XIRP2: variants seen among roughly 807,000 people sequenced by gnomAD.
XIRP2 encodes xin actin-binding repeat-containing protein 2.
Under a neutral mutation model 277.0 loss-of-function variants are expected in XIRP2, and 236 were observed. The ratio of observed to expected loss-of-function variants is 0.85; its 90% CI spans 0.77 to 0.95. The LOEUF is 0.95. XIRP2 is among the 40% of genes least tolerant of loss of function. The pLI is 0.00. For missense variants in XIRP2, 4,640 were observed against 4,157.5 expected (o/e 1.12, Z -3.19); for synonymous variants, 1,490 against 1,416.5 (o/e 1.05, Z -1.17).
chr2:166,938,759 C>G (rs950913311), intron 2 of XIRP2, among the ~76,000 whole-genome samples: 1 of 152,080 alleles, frequency 6.6e-6, no homozygotes, highest in African/African-American at 2.4e-5. Context: ...TAAGGAATTG[C>G]TTTATGAATC....
Position 167,241,930 on chromosome 2 carries a change from C to G in XIRP2, c.1176+20C>G. 1 of 1,602,638 alleles carries G rather than the reference C, an allele frequency of 6.2e-7. No homozygotes were observed. The highest frequency in any genetic ancestry group is 8.5e-7 in the Non-Finnish European group (1 of 1,175,726). ...ATTAAGGTAAAGTCATTTCTTTACACAGAAACATACTAAGTGTAAGACCAA... is the reference window on the plus strand; with the variant it reads ...ATTAAGGTAAAGTCATTTCTTTACAGAGAAACATACTAAGTGTAAGACCAA... On this transcript the variant is annotated intron_variant, in intron 8 of 10. Transcript: ENST00000409195.
intron 2 of XIRP2, among the ~76,000 whole-genome samples, chr2:167,057,449 T>C (rs1243391224): frequency 6.6e-6 from 1 of 152,172 alleles, no homozygotes; most frequent in Non-Finnish European, 1.5e-5. Flanking sequence ...AATAACCATC[T>C]TTGGCAGACA....
intron 4 of XIRP2, among the ~76,000 whole-genome samples, chr2:167,212,308 A>G (rs1026279886): frequency 1.4e-4 from 21 of 152,180 alleles, no homozygotes; most frequent in Non-Finnish European, 2.5e-4. Context: ...ATTCACGAGG[A>G]AACAGTTGAT....
intron 1 of XIRP2, among the ~76,000 whole-genome samples, chr2:166,891,426 A>G (rs1285548599): frequency 3.3e-5 from 5 of 152,306 alleles, no homozygotes; most frequent in Middle Eastern, 3.4e-3. Flanking sequence ...CAGAAAAATT[A>G]ATTGTTCTGA....
intron 2 of XIRP2, among the ~76,000 whole-genome samples, chr2:167,050,843 A>G (rs1688896132): frequency 6.6e-6 from 1 of 151,880 alleles, no homozygotes; most frequent in Non-Finnish European, 1.5e-5. Flanking sequence ...CCTTGCTGCA[A>G]TGGTGGGCAG....
chr2:166,908,277 T>C (rs1181115060), intron 2 of XIRP2, among the ~76,000 whole-genome samples: 1 of 152,200 alleles, frequency 6.6e-6, no homozygotes, highest in Non-Finnish European at 1.5e-5. Flanking sequence ...CCGGCACCTG[T>C]TGTTTCCTGA....
At chr2:167,187,499 C>A (rs1478176031) in intron 3 of XIRP2, 1 of 985,116 alleles carries the variant, frequency 1.0e-6, no homozygotes, top group South Asian at 4.7e-5. Context: ...GATATTTCCA[C>A]AAACTTGGGG....
At chr2:167,079,270 T>A (rs756447283) in intron 2 of XIRP2, among the ~76,000 whole-genome samples, 1 of 152,174 alleles carries the variant, frequency 6.6e-6, no homozygotes, top group Non-Finnish European at 1.5e-5. Flanking sequence ...TAATATTTTG[T>A]TGGGGAATGT....
chr2:167,159,831 A>T (rs998849320), intron 3 of XIRP2, among the ~76,000 whole-genome samples: 1 of 152,174 alleles, frequency 6.6e-6, no homozygotes, highest in Non-Finnish European at 1.5e-5. Flanking sequence ...ATTATCATAT[A>T]TTATTTAGTT....
chr2:167,035,655 A>G lies in XIRP2; in HGVS notation c.409-100254A>G, dbSNP rs373294027. Reference sequence around the variant, plus strand: ...ATGGGCAGCCTGACAATGTGATAGAAAAGAAAAACCCATTTTCTGTGGAGA... The same window carrying G: ...ATGGGCAGCCTGACAATGTGATAGAGAAGAAAAACCCATTTTCTGTGGAGA... On this transcript the variant is annotated intron_variant, in intron 2 of 10. Transcript: ENST00000409195. Among the ~76,000 whole-genome samples, 5 of 152,318 alleles carry G rather than the reference A, an allele frequency of 3.3e-5. No individual in the cohort carries two copies. In the East Asian group the frequency reaches 9.7e-4, roughly 29 times the overall value.
chr2:167,036,253 G>T (rs1031416326), intron 2 of XIRP2, among the ~76,000 whole-genome samples: 4 of 152,188 alleles, frequency 2.6e-5, no homozygotes, highest in African/African-American at 9.7e-5. Context: ...TCCACTGACA[G>T]CTTGCACTGT....
chr2:167,168,479 A>G (rs182549250), intron 3 of XIRP2, among the ~76,000 whole-genome samples: 1 of 152,242 alleles, frequency 6.6e-6, no homozygotes, highest in East Asian at 1.9e-4. Context: ...CTATTGAGAT[A>G]TTCTCAACTG....
At chr2:167,080,746 T>G (rs1689706169) in intron 2 of XIRP2, among the ~76,000 whole-genome samples, 1 of 152,210 alleles carries the variant, frequency 6.6e-6, no homozygotes, top group South Asian at 2.1e-4. Flanking sequence ...TAAGTTAGAA[T>G]TCCAATGGAA....
chr2:167,153,939 G>A (rs1054499519), intron 3 of XIRP2, among the ~76,000 whole-genome samples: 1 of 151,412 alleles, frequency 6.6e-6, no homozygotes, highest in African/African-American at 2.4e-5. Flanking sequence ...TGGGATGGCT[G>A]GGTCAAATGG....
Position 167,106,813 on chromosome 2 carries a change from T to G in XIRP2, c.409-29096T>G, listed in dbSNP as rs192454525. On this transcript the variant is annotated intron_variant, in intron 2 of 10. Coordinates refer to ENST00000409195, the MANE Select transcript of XIRP2 (RefSeq NM_152381.6). ...TTGTTGAGTTAATCCCTGAACACAG[T>G]ATTTCTCTCCATTTATTTAGATCTT... Among the ~76,000 whole-genome samples the G allele has an allele frequency of 2.3e-4, 35 of 151,662 alleles. No homozygotes were observed. In the East Asian group the frequency reaches 6.6e-3, roughly 28 times the overall value.
chr2:167,161,408 C>A (rs1351411526), intron 3 of XIRP2, among the ~76,000 whole-genome samples: 1 of 152,230 alleles, frequency 6.6e-6, no homozygotes, highest in Non-Finnish European at 1.5e-5. Context: ...TCTGCCTGGA[C>A]ATCCAGTTGT....
intron 5 of XIRP2, among the ~76,000 whole-genome samples, chr2:167,239,473 T>C (rs1188181420): frequency 6.6e-6 from 1 of 152,222 alleles, no homozygotes; most frequent in Non-Finnish European, 1.5e-5. Flanking sequence ...GAAGACAGTG[T>C]CAGTTAGATG....
At chr2:166,918,062 A>G (rs1684938331) in intron 2 of XIRP2, among the ~76,000 whole-genome samples, 1 of 152,190 alleles carries the variant, frequency 6.6e-6, no homozygotes, top group South Asian at 2.1e-4. Context: ...CACAGGAGTG[A>G]TGCTGTTTTG....
In XIRP2 at chr2:167,242,673, A is replaced by G. The variant is rs566555301; in HGVS notation, c.1281A>G (p.Arg427=). 8 of 1,614,114 alleles carry G rather than the reference A, an allele frequency of 5.0e-6. No homozygotes were observed. In the African/African-American group the frequency reaches 6.7e-5, roughly 13 times the overall value. ...TSQRKETSTT[R]YSDHSVTSST... is the part of the protein sequence containing the mutation. ...AGAGGAAGGAAACATCAACTACAAG[A>G]TATAGTGATCACAGTGTCACTTCCT... Residue 427 remains arginine (R), a synonymous_variant, in exon 9 of 11, where the codon AGA becomes AGG. Coordinates refer to ENST00000409195, the MANE Select transcript of XIRP2 (RefSeq NM_152381.6).
Sources: gnomAD v4.1 joint callset for allele counts (sites outside exome capture counted in the v4.1 genomes callset) on GRCh38, gnomAD v4.1.1 for gene constraint, MANE v1.5 for transcripts, NCBI Gene and HGNC (gene_info 2026-07-23, HGNC 2026-07-21) for gene names.